The following LMTK3 variants were observed in gnomAD, a reference collection of about 807,000 sequenced individuals.
LMTK3 encodes lemur tail kinase 3, also known as serine/threonine-protein kinase LMTK3.
A neutral mutation model predicts 116.7 loss-of-function variants in LMTK3; 27 were observed. The observed-to-expected ratio is 0.23, with a 90% CI of 0.17 to 0.32. The LOEUF (loss-of-function observed/expected upper bound fraction) is 0.32. LMTK3 is among the 10% of genes least tolerant of loss of function. The pLI is 1.00. For missense variants in LMTK3, 1,764 were observed against 2,068.5 expected, an observed-to-expected ratio of 0.85 and a Z score of 2.86; for synonymous variants, 965 against 971.0, an observed-to-expected ratio of 0.99 and a Z score of 0.11.
rs10401474 is a variant in LMTK3, at chr19:48,495,745, C to T, written c.3677-1636G>A. Among the ~76,000 whole-genome samples the T allele has an allele frequency of 6.6e-3, 998 of 152,342 alleles. 17 individuals are homozygous for T. The highest frequency in any genetic ancestry group is 0.023 in the African/African-American group (954 of 41,582). ...GAGGTTGCCAATATAAAACAGGACCCAGCCACTTATAACTTTCATACCCGT... is the reference window on the plus strand; with the variant it reads ...GAGGTTGCCAATATAAAACAGGACCTAGCCACTTATAACTTTCATACCCGT... On this transcript the variant is annotated intron_variant, in intron 11 of 14. Coordinates refer to ENST00000600059, the MANE Select transcript of LMTK3 (RefSeq NM_001388485.1).
In LMTK3 at chr19:48,499,026, C is replaced by T; in HGVS notation, c.2043G>A (p.Leu681=). 2 of 1,459,008 alleles carry T rather than the reference C, an allele frequency of 1.4e-6. No individual in the cohort carries two copies. Among genetic ancestry groups the T allele is most frequent in the Non-Finnish European group, 1.8e-6 (2 of 1,105,192 alleles). 90.4% of individuals were successfully genotyped at this position (1,459,008 alleles called of 1,614,324 possible). The change falls in exon 11 of 15, where the codon CTG becomes CTA. Residue 681 remains leucine (L), a synonymous_variant. Transcript: ENST00000600059. ...LCSREGACSC[L]PLERGDAVAG... ...CTACGGCGTCCCCCCGCTCCAGTGG[C>T]AGGCAGGAGCAGGCCCCCTCGCGGC...
chr19:48,492,747 C>A (rs1972247803), intron 12 of LMTK3, among the ~76,000 whole-genome samples: 1 of 152,098 alleles, frequency 6.6e-6, no homozygotes, highest in East Asian at 1.9e-4. Flanking sequence ...CTTCTCAACA[C>A]TTCCTCCCTA....
intron 14 of LMTK3, among the ~76,000 whole-genome samples, chr19:48,487,820 C>G (rs1446130085): frequency 6.6e-6 from 1 of 152,108 alleles, no homozygotes; most frequent in African/African-American, 2.4e-5. Flanking sequence ...GCCCTCACTC[C>G]CAGTCCCTGA....
At chr19:48,493,651 T>C in intron 12 of LMTK3, 43 bp downstream of exon 12, 2 of 1,484,186 alleles carry the variant, frequency 1.3e-6, no homozygotes, top group Non-Finnish European at 1.8e-6. Context: ...TCCTGCTCCC[T>C]CCAGGCCGCG....
At chr19:48,505,672 GCCAA>G (rs1277870367) in intron 5 of LMTK3, among the ~76,000 whole-genome samples, 3 of 151,972 alleles carry the variant, frequency 2.0e-5, no homozygotes, top group Non-Finnish European at 2.9e-5. Context: ...GACCAGCCTG[GCCAA>G]CATAGTGAAA....
At position 48,493,990 on chromosome 19, in the gene LMTK3, C is replaced by T; in HGVS notation, c.3796G>A (p.Gly1266Ser). The change falls in exon 12 of 15, where the codon GGC becomes AGC. Residue 1266 changes from glycine (G) to serine (S), a missense_variant. Around this residue, in one of 7 missense-constraint regions of LMTK3, gnomAD observed 281 missense variants for 301.4 expected, o/e 0.93. Transcript: ENST00000600059. Reference sequence around the variant, plus strand: ...GCCGGCCCCGGCGCTCCCGCCCCGCCGGCCTCCCCGCCAGCCGCCCCGGCG... The same window carrying T: ...GCCGGCCCCGGCGCTCCCGCCCCGCTGGCCTCCCCGCCAGCCGCCCCGGCG... Reference protein sequence around the residue: ...ADAGAAGGEAGGAGAPGPAEE... With the variant: ...ADAGAAGGEASGAGAPGPAEE... 9.3e-7 allele frequency: 1 copy of T among 1,070,178 alleles called. No individual in the cohort carries two copies. The highest frequency in any genetic ancestry group is 1.1e-6 in the Non-Finnish European group (1 of 888,484). 66.3% of individuals were successfully genotyped at this position (1,070,178 alleles called of 1,614,324 possible). A position where few individuals can be genotyped will look rare whatever the true frequency, so the allele number is the denominator to read the frequency against.
Position 48,511,615 on chromosome 19 carries a change from T to TGGGGGGGGGGGGGGGGGGGGGGGGGGGGG in LMTK3, c.-40_-39insCCCCCCCCCCCCCCCCCCCCCCCCCCCCC. The TGGGGGGGGGGGGGGGGGGGGGGGGGGGGG allele has an allele frequency of 9.5e-6, 1 of 105,650 alleles. No homozygotes were observed. The highest frequency in any genetic ancestry group is 2.3e-4 in the Admixed American group (1 of 4,424). The allele number at this position is 105,650 out of a possible 1,614,324, so 6.5% of individuals were successfully genotyped here. A position where few individuals can be genotyped will look rare whatever the true frequency, so the allele number is the denominator to read the frequency against. On this transcript the variant is annotated 5_prime_UTR_variant, in exon 1 of 15. Coordinates refer to ENST00000600059, the MANE Select transcript of LMTK3 (RefSeq NM_001388485.1). ...GCAGGGAGGTGGAGGTGGTGGCGGC[T>TGGGGGGGGGGGGGGGGGGGGGGGGGGGGG]GGGGAGGAGGGGGGGGCGGGCCCTC...
intron 14 of LMTK3, among the ~76,000 whole-genome samples, 169 bp downstream of exon 14, chr19:48,490,939 G>T (rs894708332): frequency 3.9e-5 from 6 of 152,218 alleles, no homozygotes; most frequent in African/African-American, 1.4e-4. Context: ...ACGTCGCCTG[G>T]TCTGAGCTGG....
At position 48,502,530 on chromosome 19, in the gene LMTK3, G is replaced by T; in HGVS notation, c.697C>A (p.Pro233Thr). The T allele has an allele frequency of 1.3e-6, 2 of 1,598,920 alleles. No homozygotes were observed. The highest frequency in any genetic ancestry group is 1.7e-6 in the Non-Finnish European group (2 of 1,173,736). The change falls in exon 7 of 15, where the codon CCT (proline) becomes ACT (threonine). Residue 233 changes from proline to threonine, a missense_variant. This residue lies in a region of LMTK3 where 271 missense variants were observed against 478.2 expected (regional missense o/e 0.57). Transcript: ENST00000600059. ...CGCAGGTCTCGAGGGGGTAGCTCAG[G>T]GGACAGGCCCTCGGGGGGCCGCTGG... ...RAQRPPEGLS[P>T]ELPPRDLRTL...
Position 48,494,118 on chromosome 19 carries a change from GGA to G in LMTK3, c.3677-11_3677-10del. 8.4e-7 allele frequency: 1 copy of G among 1,195,082 alleles called. No individual in the cohort carries two copies. Among genetic ancestry groups the G allele is most frequent in the Non-Finnish European group, 1.0e-6 (1 of 962,694 alleles). 74.0% of individuals were successfully genotyped at this position (1,195,082 alleles called of 1,614,324 possible). Reference sequence around the variant, plus strand: ...GAGCCGGGAGAGCCTGGCTGCGAGGGGAGAGACCTGGTGAGCCCCTGTCCCGG... The same window carrying G: ...GAGCCGGGAGAGCCTGGCTGCGAGGGGAGACCTGGTGAGCCCCTGTCCCGG... On this transcript the variant is annotated splice_polypyrimidine_tract_variant and intron_variant, in intron 11 of 14. Transcript: ENST00000600059. This position sits in a 1 kb window ranked among gnomAD's most constrained non-coding sequence, Gnocchi z 4.0.
intron 3 of LMTK3, 117 bp downstream of exon 3, chr19:48,509,906 G>T (rs1972628374): frequency 1.7e-6 from 2 of 1,146,712 alleles, no homozygotes; most frequent in Non-Finnish European, 2.5e-6. Context: ...TCCCACCTAT[G>T]CCTTTCCCAT....
chr19:48,512,960 T>G (rs1972685009), upstream of LMTK3, among the ~76,000 whole-genome samples: 1 of 151,566 alleles, frequency 6.6e-6, no homozygotes, highest in African/African-American at 2.4e-5. Flanking sequence ...TAAACAGACA[T>G]GGACACACAC....
chr19:48,500,962 GC>G lies in LMTK3; in HGVS notation c.1151+33del. ...CTGGGACCATCCTGGGTGGGGTGCG[GC>G]AGGCCAGGAGCCCCGGGTGGGCTAG... On this transcript the variant is annotated intron_variant, in intron 10 of 14. Coordinates refer to ENST00000600059, the MANE Select transcript of LMTK3 (RefSeq NM_001388485.1). The surrounding 1 kb of genome is among the most constrained non-coding windows in gnomAD (Gnocchi z 4.0). 1 of 1,470,214 alleles carries G rather than the reference GC, an allele frequency of 6.8e-7. No individual in the cohort carries two copies. Among genetic ancestry groups the G allele is most frequent in the Non-Finnish European group, 9.0e-7 (1 of 1,112,522 alleles). 91.1% of individuals were successfully genotyped at this position (1,470,214 alleles called of 1,614,324 possible).
At position 48,511,680 on chromosome 19, in the gene LMTK3, C is replaced by T; in HGVS notation, c.-104G>A. The T allele has an allele frequency of 1.8e-6, 1 of 544,564 alleles. No homozygotes were observed. Among genetic ancestry groups the T allele is most frequent in the Non-Finnish European group, 3.1e-6 (1 of 322,262 alleles). The allele number at this position is 544,564 out of a possible 1,614,324, so 33.7% of individuals were successfully genotyped here. A position where few individuals can be genotyped will look rare whatever the true frequency, so the allele number is the denominator to read the frequency against. The stretch of plus-strand genomic sequence containing the variant: ...GGGACCCGCGCGACCCTGGCCTCCT[C>T]CCGGCCCAGGAGAGGGGCAGGAGAC... On this transcript the variant is annotated 5_prime_UTR_variant, in exon 1 of 15. Coordinates refer to ENST00000600059, the MANE Select transcript of LMTK3 (RefSeq NM_001388485.1).
At chr19:48,510,787 G>T (rs1391306283) in intron 1 of LMTK3, among the ~76,000 whole-genome samples, 195 bp from the exon 2 acceptor site, 1 of 152,212 alleles carries the variant, frequency 6.6e-6, no homozygotes, top group Non-Finnish European at 1.5e-5. Context: ...GTTGGATTGG[G>T]GGTGGGGTCT....
rs1031765037 is a variant in LMTK3 at position 48,497,337 on chromosome 19, G to T, written c.3676+56C>A. 7.1e-7 allele frequency: 1 copy of T among 1,407,884 alleles called. No individual in the cohort carries two copies. The highest frequency in any genetic ancestry group is 9.3e-7 in the Non-Finnish European group (1 of 1,073,876). The allele number at this position is 1,407,884 out of a possible 1,614,324, so 87.2% of individuals were successfully genotyped here. On this transcript the variant is annotated intron_variant, in intron 11 of 14. Coordinates refer to ENST00000600059, the MANE Select transcript of LMTK3 (RefSeq NM_001388485.1). This position sits in a 1 kb window ranked among gnomAD's most constrained non-coding sequence, Gnocchi z 5.7. ...ACATGTTTACCCACACTCACCCTCC[G>T]CACGCCTCGGAAACAGCCGGACCTC...
intron 5 of LMTK3, among the ~76,000 whole-genome samples, chr19:48,505,832 G>T (rs1972558246): frequency 6.8e-6 from 1 of 146,036 alleles, no homozygotes; most frequent in South Asian, 2.2e-4. Flanking sequence ...TTGCACTCCA[G>T]CCTGGGCAAC....
rs1002180619 is a variant in LMTK3, at chr19:48,494,768, G to T, written c.3677-659C>A. Among the ~76,000 whole-genome samples, 3 of 152,228 alleles carry T rather than the reference G, an allele frequency of 2.0e-5. No homozygotes were observed. The highest frequency in any genetic ancestry group is 2.9e-5 in the Non-Finnish European group (2 of 68,036). On this transcript the variant is annotated intron_variant, in intron 11 of 14. Coordinates refer to ENST00000600059, the MANE Select transcript of LMTK3 (RefSeq NM_001388485.1). This position sits in a 1 kb window ranked among gnomAD's most constrained non-coding sequence, Gnocchi z 4.0. The stretch of plus-strand genomic sequence containing the variant: ...AGGGTGGAGGTGGGGCAGGGAGAAA[G>T]ATGAATGCAGACGGTCCCTCTCAGG...
At position 48,493,079 on chromosome 19, in the gene LMTK3, C is replaced by A. The variant is rs142765246; in HGVS notation, c.4092+615G>T. Reference sequence around the variant, plus strand: ...TCCGCCCCGCCCTAGGCTCCGCCCCCATTCCAGCCTTGGATTTTCTCCAGG... The same window carrying A: ...TCCGCCCCGCCCTAGGCTCCGCCCCAATTCCAGCCTTGGATTTTCTCCAGG... On this transcript the variant is annotated intron_variant, in intron 12 of 14. Coordinates refer to ENST00000600059, the MANE Select transcript of LMTK3 (RefSeq NM_001388485.1). Among the ~76,000 whole-genome samples the A allele has an allele frequency of 4.3e-3, 646 of 151,790 alleles. 8 individuals are homozygous for A. The highest frequency in any genetic ancestry group is 6.9e-3 in the Middle Eastern group (2 of 290).
Sources: gnomAD v4.1 joint callset for allele counts (sites outside exome capture counted in the v4.1 genomes callset) on GRCh38, gnomAD v4.1.1 for gene constraint, gnomAD v4.1.1 regional missense constraint, Gnocchi (gnomAD v3.1) non-coding constraint, MANE v1.5 for transcripts, NCBI Gene and HGNC (gene_info 2026-07-23, HGNC 2026-07-21) for gene names.